SUSD1: variants seen among roughly 807,000 people sequenced by gnomAD.
The protein encoded by SUSD1 is sushi domain-containing protein 1.
A neutral mutation model predicts 86.9 loss-of-function variants in SUSD1; 65 were observed. The observed-to-expected ratio is 0.75, with a 90% CI of 0.61 to 0.92. The LOEUF is 0.92. Among genes scored for constraint, SUSD1 ranks in the 40% least tolerant of loss-of-function variants. The pLI is 0.00. For missense variants in SUSD1, 850 were observed against 929.7 expected (o/e 0.91, Z 1.11); for synonymous variants, 346 against 350.0 (o/e 0.99, Z 0.13).
rs72763964 is a variant in SUSD1, at chr9:112,161,448, G to A, written c.104-3835C>T. Among the ~76,000 whole-genome samples, 1,260 of 151,774 alleles carry A rather than the reference G, an allele frequency of 8.3e-3. 5 individuals are homozygous for A. Among genetic ancestry groups the A allele is most frequent in the Non-Finnish European group, 0.013 (863 of 67,966 alleles). On this transcript the variant is annotated intron_variant, in intron 1 of 16. Transcript: ENST00000374270. ...AAATACTTTCTAAATAATGGATCCT[G>A]GGTCAAGTTGAAGAACCCATTTGTG...
At chr9:112,165,922 A>AAAAG (rs201767974) in intron 1 of SUSD1, among the ~76,000 whole-genome samples, 19 of 79,786 alleles carry the variant, frequency 2.4e-4, no homozygotes, top group Admixed American at 1.9e-3. Flanking sequence ...AGGAAGAAAG[A>AAAAG]AAAGAAAGAA....
intron 6 of SUSD1, among the ~76,000 whole-genome samples, chr9:112,115,462 T>C (rs1831271336): frequency 6.6e-6 from 1 of 152,162 alleles, no homozygotes. Context: ...TGGATCTCTA[T>C]ATCAGTATTT....
chr9:112,114,053 G>C (rs1032325407), intron 6 of SUSD1, among the ~76,000 whole-genome samples: 19 of 152,120 alleles, frequency 1.2e-4, no homozygotes, highest in African/African-American at 4.3e-4. Flanking sequence ...ACCAAAACAA[G>C]TATTACAGCT....
chr9:112,151,618 T>C (rs1051476204), intron 2 of SUSD1, among the ~76,000 whole-genome samples: 3 of 151,218 alleles, frequency 2.0e-5, no homozygotes, highest in Non-Finnish European at 2.9e-5. Flanking sequence ...AGTATCTTTC[T>C]TGGCCGGGCA....
At chr9:112,044,026 T>C (rs1284284628) in intron 15 of SUSD1, among the ~76,000 whole-genome samples, 10 of 152,032 alleles carry the variant, frequency 6.6e-5, no homozygotes, top group Admixed American at 6.6e-4. Context: ...TCTCGAACTC[T>C]TGACCTCAGG....
At position 112,143,488 on chromosome 9, in the gene SUSD1, T is replaced by C. The variant is rs1334827041; in HGVS notation, c.509A>G (p.Asp170Gly). 6.2e-7 allele frequency: 1 copy of C among 1,613,368 alleles called. No homozygotes were observed. The highest frequency in any genetic ancestry group is 8.5e-7 in the Non-Finnish European group (1 of 1,179,848). ...AAACCCACCTGTGCATGATGTGGCA[T>C]CGGTGGTCGGGTGGAAAGGTTCAGG... ...NGPEPFHPTT[D>G]ATSCTEIDCG... Residue 170 changes from aspartate (D) to glycine (G), a missense_variant, in exon 4 of 17, where the codon GAT (aspartate) becomes GGT (glycine). Transcript: ENST00000374270.
chr9:112,166,246 T>C (rs12005307), intron 1 of SUSD1, among the ~76,000 whole-genome samples: 3,114 of 152,300 alleles, frequency 0.02, 123 homozygotes, highest in African/African-American at 0.071. Context: ...GGGTCCACTG[T>C]TCCACAGCCT....
chr9:112,121,650 T>C (rs1169478768), intron 6 of SUSD1, among the ~76,000 whole-genome samples: 1 of 152,202 alleles, frequency 6.6e-6, no homozygotes, highest in Non-Finnish European at 1.5e-5. Context: ...GGCCAGAATT[T>C]CCGATGGAAA....
At chr9:112,076,569 T>C (rs1374403434) in intron 12 of SUSD1, among the ~76,000 whole-genome samples, 3 of 152,222 alleles carry the variant, frequency 2.0e-5, no homozygotes, top group African/African-American at 7.2e-5. Context: ...GTATTAGATG[T>C]TCAATAGGAC....
At chr9:112,174,766 C>A (rs1422993061) in intron 1 of SUSD1, among the ~76,000 whole-genome samples, 1 of 152,124 alleles carries the variant, frequency 6.6e-6, no homozygotes, top group Non-Finnish European at 1.5e-5. Context: ...GTGACAGCGC[C>A]GCAGAACGCC....
intron 15 of SUSD1, among the ~76,000 whole-genome samples, chr9:112,047,209 GGAGA>G (rs771854511): frequency 6.6e-6 from 1 of 152,018 alleles, no homozygotes; most frequent in Admixed American, 6.6e-5. Flanking sequence ...GGCCAGAGCA[GGAGA>G]GAGAGAGAGT....
At position 112,062,929 on chromosome 9, in the gene SUSD1, C is replaced by T. The variant is rs541968809; in HGVS notation, c.1850+8G>A. 9.4e-6 allele frequency: 15 copies of T among 1,587,920 alleles called. No individual in the cohort carries two copies. In the South Asian group the frequency reaches 1.5e-4, roughly 16 times the overall value. On this transcript the variant is annotated splice_region_variant and intron_variant, in intron 13 of 16. Coordinates refer to ENST00000374270, the MANE Select transcript of SUSD1 (RefSeq NM_022486.5). ...CTGGGCAACCGTGGAGAAAGGACAG[C>T]TACTGACCTGATTGGTCCATTTTTC...
At position 112,051,408 on chromosome 9, in the gene SUSD1, C is replaced by CTTTTTTTTT. The variant is rs746946192; in HGVS notation, c.2149+982_2149+990dup. ...TGTTAAGGGAAGAAGTTTTTCTTTT[C>CTTTTTTTTT]TTTTTTTTTTTTTTTTTTTTTTTTT... On this transcript the variant is annotated intron_variant, in intron 15 of 16. Transcript: ENST00000374270. 6.9e-3 allele frequency among the ~76,000 whole-genome samples: 533 copies of CTTTTTTTTT among 76,794 alleles called. 1 individual carries two copies. Among genetic ancestry groups the CTTTTTTTTT allele is most frequent in the Non-Finnish European group, 9.6e-3 (374 of 39,080 alleles). The allele number at this position is 76,794 out of a possible 152,430, so 50.4% of individuals were successfully genotyped here.
chr9:112,159,247 A>T (rs1022430231), intron 1 of SUSD1, among the ~76,000 whole-genome samples: 1 of 152,170 alleles, frequency 6.6e-6, no homozygotes, highest in African/African-American at 2.4e-5. Context: ...GGAGCGACCT[A>T]GTAAAGAGAA....
At chr9:112,148,097 A>T (rs1435914933) in intron 3 of SUSD1, among the ~76,000 whole-genome samples, 1 of 152,204 alleles carries the variant, frequency 6.6e-6, no homozygotes. Context: ...AAGAAGATAA[A>T]ATATGTTCTC....
intron 12 of SUSD1, among the ~76,000 whole-genome samples, chr9:112,064,049 G>A (rs1318467049): frequency 5.5e-5 from 8 of 144,208 alleles, no homozygotes; most frequent in Admixed American, 4.1e-4. Context: ...CTTTTTTTGG[G>A]GGGGGGGCGG....
rs184754162 is a variant in SUSD1, at chr9:112,159,567, C to A, written c.104-1954G>T. Among the ~76,000 whole-genome samples, 26 of 152,270 alleles carry A rather than the reference C, an allele frequency of 1.7e-4. No individual in the cohort carries two copies. The East Asian group carries it at 3.5e-3, about 20-fold the overall frequency. ...AAATGTTAAAGGCTGAATTATCTGACCACATAATAATGTAATAGAACTATC... is the reference window on the plus strand; with the variant it reads ...AAATGTTAAAGGCTGAATTATCTGAACACATAATAATGTAATAGAACTATC... On this transcript the variant is annotated intron_variant, in intron 1 of 16. Coordinates refer to ENST00000374270, the MANE Select transcript of SUSD1 (RefSeq NM_022486.5).
At chr9:112,142,582 T>A in intron 4 of SUSD1, 83 bp from the exon 5 acceptor site, 7 of 1,304,846 alleles carry the variant, frequency 5.4e-6, no homozygotes, top group Non-Finnish European at 7.4e-6. Context: ...TCTACCCTAT[T>A]CCTCACACAC....
At chr9:112,075,545 G>C (rs1829480269) in intron 12 of SUSD1, among the ~76,000 whole-genome samples, 1 of 152,236 alleles carries the variant, frequency 6.6e-6, no homozygotes, top group East Asian at 1.9e-4. Context: ...AGGCAACATA[G>C]GGAGACCCTC....
Sources: allele counts gnomAD v4.1 joint callset (sites outside exome capture counted in the v4.1 genomes callset), GRCh38; gene constraint gnomAD v4.1.1; transcripts MANE v1.5; gene names NCBI Gene and HGNC (gene_info 2026-07-23, HGNC 2026-07-21).